The following NCF2 variants were observed in gnomAD, a reference collection of about 807,000 sequenced individuals.
The protein encoded by NCF2 is neutrophil cytosolic factor 2.
A neutral mutation model predicts 70.9 loss-of-function variants in NCF2; 45 were observed. The observed-to-expected ratio is 0.63, with a 90% confidence interval of 0.50 to 0.81. NCF2 has a LOEUF of 0.81. Among genes scored for constraint, NCF2 ranks in the 40% least tolerant of loss-of-function variants. The pLI is 0.00. For synonymous variants in NCF2, 203 were observed against 233.6 expected, an observed-to-expected ratio of 0.87 and a Z score of 1.19; for missense variants, 522 against 631.6, an observed-to-expected ratio of 0.83 and a Z score of 1.86.
chr1:183,573,950 C>T (rs1672684058), intron 4 of NCF2, among the ~76,000 whole-genome samples: 1 of 152,134 alleles, frequency 6.6e-6, no homozygotes, highest in Non-Finnish European at 1.5e-5. Flanking sequence ...ATTAGCCAGG[C>T]ATGGTGGCAT....
intron 6 of NCF2, among the ~76,000 whole-genome samples, chr1:183,570,167 A>T (rs1672480155): frequency 6.6e-6 from 1 of 152,248 alleles, no homozygotes; most frequent in Non-Finnish European, 1.5e-5. Flanking sequence ...GTTCATTGCC[A>T]CAGAGTTCGT....
At chr1:183,586,340 A>G (rs1420896166) in intron 2 of NCF2, among the ~76,000 whole-genome samples, 2 of 152,242 alleles carry the variant, frequency 1.3e-5, no homozygotes, top group East Asian at 3.8e-4. Context: ...GTCTCGGAAA[A>G]AGAAAAAAAA....
At chr1:183,569,844 C>T (rs1205478952) in intron 6 of NCF2, among the ~76,000 whole-genome samples, 4 of 152,216 alleles carry the variant, frequency 2.6e-5, no homozygotes, top group African/African-American at 9.6e-5. Flanking sequence ...CTCACCTCAG[C>T]CTCCCAAAAT....
intron 5 of NCF2, among the ~76,000 whole-genome samples, chr1:183,572,235 A>G (rs1672598927): frequency 6.6e-6 from 1 of 152,220 alleles, no homozygotes; most frequent in South Asian, 2.1e-4. Context: ...CCCAGGCTGG[A>G]GTGCAATGGC....
intron 10 of NCF2, 134 bp downstream of exon 10, chr1:183,565,570 G>T: frequency 1.2e-6 from 1 of 839,614 alleles, no homozygotes; most frequent in African/African-American, 1.7e-5. Flanking sequence ...TTCTGGGGCT[G>T]CGTGGTCATT....
At chr1:183,559,951 C>T in intron 14 of NCF2, 145 bp downstream of exon 14, 1 of 829,560 alleles carries the variant, frequency 1.2e-6, no homozygotes, top group Non-Finnish European at 2.0e-6. Context: ...CTCAACTTTG[C>T]TCCCTCCAGC....
At chr1:183,575,605 A>AT (rs1252973258) in intron 3 of NCF2, among the ~76,000 whole-genome samples, 1 of 152,210 alleles carries the variant, frequency 6.6e-6, no homozygotes. Context: ...ACTGAAATAA[A>AT]TTTTTTAAAT....
In NCF2 at chr1:183,567,298, T is replaced by G; in HGVS notation, c.761A>C (p.Glu254Ala). 6.2e-7 allele frequency: 1 copy of G among 1,614,162 alleles called. No individual in the cohort carries two copies. The highest frequency in any genetic ancestry group is 1.6e-4 in the Middle Eastern group (1 of 6,062). The change falls in exon 8 of 15, where the codon GAG (glutamate) becomes GCG (alanine). Residue 254 changes from glutamate to alanine, a missense_variant. Physicochemically the swap from Glu to Ala is moderately radical, Grantham distance 107. Transcript: ENST00000367535. ...AHRVLFGFVP[E>A]TKEELQVMPG... ...CATGACCTGGAGCTCTTCTTTTGTCTCAGGCACAAACCCAAATAGCACACG... is the reference window on the plus strand; with the variant it reads ...CATGACCTGGAGCTCTTCTTTTGTCGCAGGCACAAACCCAAATAGCACACG...
intron 4 of NCF2, 123 bp downstream of exon 4, chr1:183,574,364 C>A (rs1672702289): frequency 2.2e-6 from 3 of 1,382,730 alleles, no homozygotes; most frequent in African/African-American, 1.4e-5. Context: ...ACCCTAAGAT[C>A]AGTGTTACCC....
intron 3 of NCF2, among the ~76,000 whole-genome samples, chr1:183,574,952 A>C (rs1672731658): frequency 6.6e-6 from 1 of 152,254 alleles, no homozygotes; most frequent in African/African-American, 2.4e-5. Context: ...GTGTTGTTTT[A>C]GTATGAGTTG....
In NCF2 at chr1:183,582,067, A is replaced by G. The variant is rs563789081; in HGVS notation, c.258-4360T>C. On this transcript the variant is annotated intron_variant, in intron 2 of 14. Transcript: ENST00000367535. Reference sequence around the variant, plus strand: ...CTCTTTTCGGCCTCTCCACTTGTTTACCCAGAGCTGCAGCCCTGAAGGGGG... The same window carrying G: ...CTCTTTTCGGCCTCTCCACTTGTTTGCCCAGAGCTGCAGCCCTGAAGGGGG... Among the ~76,000 whole-genome samples the G allele has an allele frequency of 1.0e-3, 154 of 152,270 alleles. 3 individuals are homozygous for G. Among genetic ancestry groups the G allele is most frequent in the Non-Finnish European group, 2.8e-4 (19 of 68,002 alleles).
intron 6 of NCF2, among the ~76,000 whole-genome samples, chr1:183,569,442 G>A (rs1156347984): frequency 6.6e-6 from 1 of 152,162 alleles, no homozygotes; most frequent in Non-Finnish European, 1.5e-5. Flanking sequence ...GCTAGTTTCT[G>A]GAGGTTAGCA....
At chr1:183,587,595 CAAAAAAAA>C (rs11287969) in intron 1 of NCF2, among the ~76,000 whole-genome samples, 10 of 41,892 alleles carry the variant, frequency 2.4e-4, no homozygotes, top group Admixed American at 5.8e-4. Context: ...CACCCTGTCT[CAAAAAAAA>C]AAAAAAAAAA....
intron 2 of NCF2, among the ~76,000 whole-genome samples, chr1:183,586,575 C>T (rs141012108): frequency 6.6e-6 from 1 of 152,278 alleles, no homozygotes; most frequent in East Asian, 1.9e-4. Context: ...CTCAGTACCT[C>T]ATAGGAGACC....
intron 3 of NCF2, among the ~76,000 whole-genome samples, chr1:183,575,975 C>T (rs1456680731): frequency 6.6e-6 from 1 of 152,214 alleles, no homozygotes; most frequent in African/African-American, 2.4e-5. Context: ...CAGCCCACTC[C>T]TGACCTTGTG....
chr1:183,587,595 C>CAAAAAAAAAAA (rs11287969), intron 1 of NCF2, among the ~76,000 whole-genome samples: 35 of 41,896 alleles, frequency 8.4e-4, no homozygotes, highest in Admixed American at 2.3e-3. Flanking sequence ...CACCCTGTCT[C>CAAAAAAAAAAA]AAAAAAAAAA....
At chr1:183,599,442 C>CTTTCTTTCTTTCT in the NCF2 span, among the ~76,000 whole-genome samples, 1 of 96,528 alleles carries the variant, frequency 1.0e-5, no homozygotes, top group Non-Finnish European at 2.3e-5. Context: ...TTCTTTCTTT[C>CTTTCTTTCTTTCT]TTTCTTTCTT....
At chr1:183,581,674 G>GTT (rs71130625) in intron 2 of NCF2, among the ~76,000 whole-genome samples, 5 of 144,524 alleles carry the variant, frequency 3.5e-5, no homozygotes, top group African/African-American at 1.0e-4. Flanking sequence ...CTTGCTAAGT[G>GTT]TTTTTTTTTT....
intron 2 of NCF2, among the ~76,000 whole-genome samples, chr1:183,581,942 C>T (rs910275499): frequency 6.6e-6 from 1 of 152,214 alleles, no homozygotes. Context: ...GCTGGGATTA[C>T]AGGCGTGAGC....
Sources: gnomAD v4.1 joint callset for allele counts (sites outside exome capture counted in the v4.1 genomes callset) on GRCh38, gnomAD v4.1.1 for gene constraint, MANE v1.5 for transcripts, NCBI Gene and HGNC (gene_info 2026-07-23, HGNC 2026-07-21) for gene names.